The following CDK17 variants were observed in gnomAD, a reference collection of about 807,000 sequenced individuals.
CDK17 encodes cyclin dependent kinase 17, also known as cyclin-dependent kinase 17.
In CDK17, 24 loss-of-function variants were observed where a neutral mutation model predicts 77.6. The ratio of observed to expected loss-of-function variants is 0.31; its 90% CI spans 0.22 to 0.44. The LOEUF (loss-of-function observed/expected upper bound fraction) is 0.44, where lower values mean the gene tolerates loss of function less well. Ranked by LOEUF, CDK17 falls within the 20% of genes least tolerant of loss-of-function variation. The pLI is 1.00. For missense variants in CDK17, 429 were observed against 622.5 expected (o/e 0.69, Z 3.31); for synonymous variants, 203 against 210.4 (o/e 0.96, Z 0.30).
At chr12:96,367,855 A>T (rs1447007568) in intron 1 of CDK17, among the ~76,000 whole-genome samples, 4 of 61,410 alleles carry the variant, frequency 6.5e-5, no homozygotes, top group African/African-American at 2.2e-4. Flanking sequence ...ATCTCTACTT[A>T]AAAAAAAAAA....
intron 1 of CDK17, among the ~76,000 whole-genome samples, chr12:96,387,751 G>A (rs910421279): frequency 6.6e-6 from 1 of 152,036 alleles, no homozygotes; most frequent in Non-Finnish European, 1.5e-5. Context: ...AGACTAGCCT[G>A]GGCAACATAG....
intron 1 of CDK17, among the ~76,000 whole-genome samples, chr12:96,381,525 T>G (rs1306694111): frequency 1.3e-5 from 2 of 152,036 alleles, no homozygotes; most frequent in African/African-American, 2.4e-5. Flanking sequence ...AAATAGAGAC[T>G]TCTAGTGAGC....
intron 1 of CDK17, among the ~76,000 whole-genome samples, chr12:96,364,112 G>A (rs1176287681): frequency 6.6e-6 from 1 of 152,102 alleles, no homozygotes; most frequent in African/African-American, 2.4e-5. Flanking sequence ...TATTTTTATT[G>A]CCTAAGAGTA....
intron 1 of CDK17, among the ~76,000 whole-genome samples, chr12:96,398,470 C>A (rs1954207168): frequency 6.6e-6 from 1 of 152,184 alleles, no homozygotes; most frequent in Non-Finnish European, 1.5e-5. Context: ...CGTCTTATTT[C>A]TAGTTTCAAG....
chr12:96,330,747 T>C (rs950368996), intron 2 of CDK17, among the ~76,000 whole-genome samples: 2 of 152,216 alleles, frequency 1.3e-5, no homozygotes, highest in African/African-American at 4.8e-5. Flanking sequence ...TATCCATTCA[T>C]CTGTTGATGG....
chr12:96,325,517 G>A (rs1952881714), intron 2 of CDK17, among the ~76,000 whole-genome samples: 1 of 152,188 alleles, frequency 6.6e-6, no homozygotes, highest in South Asian at 2.1e-4. Flanking sequence ...CAGAGAAATG[G>A]GCCAAGAAGG....
At chr12:96,366,431 G>A (rs1001014612) in intron 1 of CDK17, among the ~76,000 whole-genome samples, 4 of 152,090 alleles carry the variant, frequency 2.6e-5, no homozygotes, top group African/African-American at 4.8e-5. Context: ...AATCACAGCC[G>A]CTATCATATA....
intron 1 of CDK17, among the ~76,000 whole-genome samples, chr12:96,343,347 A>C (rs1053531446): frequency 2.0e-5 from 3 of 152,228 alleles, no homozygotes; most frequent in African/African-American, 7.2e-5. Flanking sequence ...TTGCCACAAC[A>C]GTAAGGAATA....
intron 1 of CDK17, among the ~76,000 whole-genome samples, chr12:96,358,978 CT>C (rs143122058): frequency 0.23 from 32,829 of 141,710 alleles, 4,339 homozygotes; most frequent in Middle Eastern, 0.36. Context: ...GGTCAGATGG[CT>C]TTTTTTTTTT....
intron 5 of CDK17, among the ~76,000 whole-genome samples, chr12:96,305,920 C>T (rs957416205): frequency 1.3e-5 from 2 of 152,126 alleles, no homozygotes; most frequent in African/African-American, 4.8e-5. Context: ...GGAGGTCTCA[C>T]TATGTTGCCC....
chr12:96,392,780 T>C lies in CDK17; in HGVS notation c.-30+7206A>G, dbSNP rs541028118. 3.3e-5 allele frequency among the ~76,000 whole-genome samples: 5 copies of C among 151,826 alleles called. No individual in the cohort carries two copies. The South Asian group carries it at 8.3e-4, about 25-fold the overall frequency. ...GAGGTCTAGATTAGAAATAAAGAGG[T>C]GGAGATTATTGCATATGGGTGATGA... On this transcript the variant is annotated intron_variant, in intron 1 of 16. Transcript: ENST00000261211.
At chr12:96,374,999 C>A (rs1953755414) in intron 1 of CDK17, among the ~76,000 whole-genome samples, 2 of 152,180 alleles carry the variant, frequency 1.3e-5, no homozygotes, top group South Asian at 4.1e-4. Context: ...CTAAATGGGC[C>A]TCAACACTGG....
chr12:96,339,456 A>G (rs1312605941), intron 1 of CDK17, among the ~76,000 whole-genome samples: 4 of 152,040 alleles, frequency 2.6e-5, no homozygotes, highest in Non-Finnish European at 2.9e-5. Context: ...GAAAATGGTG[A>G]TAGATGCAGA....
intron 1 of CDK17, among the ~76,000 whole-genome samples, chr12:96,357,101 A>T (rs1424197229): frequency 6.6e-6 from 1 of 152,204 alleles, no homozygotes; most frequent in Non-Finnish European, 1.5e-5. Flanking sequence ...AGCAACTGTA[A>T]CCACTTGAGA....
At chr12:96,324,748 C>T (rs2137127164) in intron 2 of CDK17, among the ~76,000 whole-genome samples, 1 of 150,984 alleles carries the variant, frequency 6.6e-6, no homozygotes, top group East Asian at 2.0e-4. Context: ...TCCTAAGCGA[C>T]AGAGCAAGAC....
In CDK17 at chr12:96,280,186, GA is replaced by G. The variant is rs1757330101; in HGVS notation, c.*55del. 3 of 1,525,460 alleles carry G rather than the reference GA, an allele frequency of 2.0e-6. No individual in the cohort carries two copies. In the East Asian group the frequency reaches 7.4e-5, roughly 38 times the overall value. The allele number at this position is 1,525,460 out of a possible 1,614,324, so 94.5% of individuals were successfully genotyped here. ...AAAAGAAATAATTGCCTTCAGTTCT[GA>G]GTCCTTGATTGGTAAGAAAGGCTGG... is the stretch of plus-strand genomic sequence containing the variant. On this transcript the variant is annotated 3_prime_UTR_variant, in exon 17 of 17. Transcript: ENST00000261211.
rs1952142905 is a variant in CDK17, at chr12:96,279,269, G to C, written c.*973C>G. ...GTAATTTATCATGGCTCATTTCAAA[G>C]ACATATTACAGCTTTCAGCTGATTC... On this transcript the variant is annotated 3_prime_UTR_variant, in exon 17 of 17. Coordinates refer to ENST00000261211, the MANE Select transcript of CDK17 (RefSeq NM_002595.5). 6.6e-6 allele frequency: 1 copy of C among 152,250 alleles called. No homozygotes were observed. The highest frequency in any genetic ancestry group is 2.4e-5 in the African/African-American group (1 of 41,562). The allele number at this position is 152,250 out of a possible 1,614,324, so 9.4% of individuals were successfully genotyped here. A position where few individuals can be genotyped will look rare whatever the true frequency, so the allele number is the denominator to read the frequency against.
intron 1 of CDK17, among the ~76,000 whole-genome samples, chr12:96,346,792 G>T (rs1953217789): frequency 6.6e-6 from 1 of 151,500 alleles, no homozygotes; most frequent in South Asian, 2.1e-4. Context: ...GCAGGTGCCT[G>T]TAGTCCCAGC....
intron 3 of CDK17, among the ~76,000 whole-genome samples, chr12:96,318,608 C>T (rs1437740229): frequency 6.9e-6 from 1 of 145,514 alleles, no homozygotes; most frequent in African/African-American, 2.6e-5. Flanking sequence ...TCTCTCAGAC[C>T]ACAGTGCAAT....
Sources: gnomAD v4.1 joint callset for allele counts (sites outside exome capture counted in the v4.1 genomes callset) on GRCh38, gnomAD v4.1.1 for gene constraint, MANE v1.5 for transcripts, NCBI Gene and HGNC (gene_info 2026-07-23, HGNC 2026-07-21) for gene names.